JAZF1: variants seen among roughly 807,000 people sequenced by gnomAD.
JAZF1 encodes the protein JAZF zinc finger 1.
In JAZF1, 8 loss-of-function variants were observed where a neutral mutation model predicts 26.4. That is an observed-to-expected ratio of 0.30 (90% CI 0.18 to 0.55). The LOEUF is 0.55. JAZF1 is among the 20% of genes least tolerant of loss of function. JAZF1 has a pLI of 0.94. For synonymous variants in JAZF1, 126 were observed against 122.3 expected (o/e 1.03, Z -0.20); for missense variants, 199 against 322.0 (o/e 0.62, Z 2.92).
At chr7:27,996,215 G>A (rs1786012691) in intron 1 of JAZF1, among the ~76,000 whole-genome samples, 1 of 152,172 alleles carries the variant, frequency 6.6e-6, no homozygotes, top group Non-Finnish European at 1.5e-5. Flanking sequence ...TTATAACCTG[G>A]ATTACTTATA....
At position 27,887,725 on chromosome 7, in the gene JAZF1, G is replaced by A. The variant is rs533406635; in HGVS notation, c.385+7495C>T. On this transcript the variant is annotated intron_variant, in intron 3 of 4. Transcript: ENST00000283928. ...ACCACTGTGCCTGGCCAATTTGATT[G>A]TTTTCTTCAAGTCAAAAAAATGTTT... Among the ~76,000 whole-genome samples, 19 of 152,102 alleles carry A rather than the reference G, an allele frequency of 1.2e-4. 1 individual carries two copies. In the South Asian group the frequency reaches 3.9e-3, roughly 32 times the overall value.
chr7:28,052,186 T>C (rs1783628460), intron 1 of JAZF1, among the ~76,000 whole-genome samples: 1 of 152,222 alleles, frequency 6.6e-6, no homozygotes, highest in Non-Finnish European at 1.5e-5. Context: ...ATAACCTGGG[T>C]ATATTATTCT....
chr7:27,978,173 T>A (rs1018869535), intron 2 of JAZF1, among the ~76,000 whole-genome samples: 11 of 152,222 alleles, frequency 7.2e-5, no homozygotes, highest in African/African-American at 2.4e-4. Context: ...TATTCTTTCA[T>A]AAACAAATTC....
chr7:28,065,531 A>C (rs1389448687), intron 1 of JAZF1, among the ~76,000 whole-genome samples: 2 of 152,146 alleles, frequency 1.3e-5, no homozygotes, highest in Non-Finnish European at 2.9e-5. Flanking sequence ...GCAGACCATA[A>C]ATGTCACGAT....
At chr7:28,118,612 T>C (rs921287156) in intron 1 of JAZF1, among the ~76,000 whole-genome samples, 1 of 152,258 alleles carries the variant, frequency 6.6e-6, no homozygotes, top group Admixed American at 6.5e-5. Context: ...AGCTACAGTA[T>C]TCTATGGCAA....
intron 2 of JAZF1, among the ~76,000 whole-genome samples, chr7:27,952,699 C>A (rs1312637787): frequency 6.6e-6 from 1 of 152,160 alleles, no homozygotes. Context: ...GGGAGTTGAA[C>A]AACAAGCATA....
chr7:28,090,237 A>G (rs1171622336), intron 1 of JAZF1, among the ~76,000 whole-genome samples: 1 of 152,244 alleles, frequency 6.6e-6, no homozygotes, highest in Non-Finnish European at 1.5e-5. Flanking sequence ...TAGCTCTTAT[A>G]GTGCCTAACA....
chr7:28,060,726 T>C (rs1783784104), intron 1 of JAZF1, among the ~76,000 whole-genome samples: 1 of 152,216 alleles, frequency 6.6e-6, no homozygotes, highest in Non-Finnish European at 1.5e-5. Flanking sequence ...AGGTACCAGT[T>C]CCATGGTGGG....
chr7:27,837,209 A>T (rs113481613), intron 4 of JAZF1, among the ~76,000 whole-genome samples: 4 of 152,368 alleles, frequency 2.6e-5, no homozygotes, highest in African/African-American at 9.6e-5. Flanking sequence ...AATCCTCACC[A>T]TTCTAACATA....
intron 1 of JAZF1, among the ~76,000 whole-genome samples, chr7:28,101,544 A>T (rs1784471136): frequency 7.0e-6 from 1 of 142,636 alleles, no homozygotes; most frequent in Non-Finnish European, 1.5e-5. Context: ...TTGAGAGCAG[A>T]CTGGACAGCA....
chr7:28,052,130 T>C (rs1472729308), intron 1 of JAZF1, among the ~76,000 whole-genome samples: 1 of 152,230 alleles, frequency 6.6e-6, no homozygotes, highest in East Asian at 1.9e-4. Context: ...TCTGTCATTT[T>C]TGTATAGTTA....
chr7:27,879,811 T>C (rs995463696), intron 3 of JAZF1, among the ~76,000 whole-genome samples: 4 of 152,104 alleles, frequency 2.6e-5, no homozygotes, highest in African/African-American at 7.2e-5. Flanking sequence ...GTTTATTAGG[T>C]TAATAAATTC....
intron 1 of JAZF1, among the ~76,000 whole-genome samples, chr7:28,152,257 C>T (rs1783121947): frequency 6.6e-6 from 1 of 152,160 alleles, no homozygotes; most frequent in Non-Finnish European, 1.5e-5. Context: ...TAAAACTTTG[C>T]TCTATACGAT....
At chr7:28,096,333 G>C (rs541992010) in intron 1 of JAZF1, among the ~76,000 whole-genome samples, 1 of 152,350 alleles carries the variant, frequency 6.6e-6, no homozygotes, top group South Asian at 2.1e-4. Context: ...GCTATGACAA[G>C]AAGCAGTCCT....
intron 2 of JAZF1, among the ~76,000 whole-genome samples, chr7:27,897,091 T>TA (rs1014397901): frequency 2.1e-4 from 32 of 152,084 alleles, no homozygotes; most frequent in Non-Finnish European, 3.8e-4. Flanking sequence ...CTTTTTTTTT[T>TA]ATTATCCTAA....
intron 1 of JAZF1, among the ~76,000 whole-genome samples, chr7:27,999,139 G>T (rs1786082129): frequency 6.6e-6 from 1 of 152,186 alleles, no homozygotes; most frequent in Non-Finnish European, 1.5e-5. Flanking sequence ...TATACAGCCT[G>T]CATATCTGTA....
chr7:28,035,553 T>C (rs17156238), intron 1 of JAZF1, among the ~76,000 whole-genome samples: 11,528 of 152,062 alleles, frequency 0.076, 787 homozygotes, highest in African/African-American at 0.18. Context: ...CACTCAATTT[T>C]GGTGTAGAGC....
At chr7:27,898,452 C>A (rs1286802600) in intron 2 of JAZF1, among the ~76,000 whole-genome samples, 4 of 151,564 alleles carry the variant, frequency 2.6e-5, no homozygotes, top group Non-Finnish European at 5.9e-5. Context: ...ACTACAAGTG[C>A]CACCACCATG....
chr7:28,038,092 C>G (rs1746748459), intron 1 of JAZF1, among the ~76,000 whole-genome samples: 1 of 152,002 alleles, frequency 6.6e-6, no homozygotes, highest in Admixed American at 6.6e-5. Context: ...ACAAATGGTA[C>G]CAAACAAAGG....
Sources: allele counts gnomAD v4.1 joint callset (sites outside exome capture counted in the v4.1 genomes callset), GRCh38; gene constraint gnomAD v4.1.1; transcripts MANE v1.5; gene names NCBI Gene and HGNC (gene_info 2026-07-23, HGNC 2026-07-21).